Variants in UMAD1 observed in about 807,000 individuals in gnomAD.
UMAD1 encodes the protein UBAP1-MVB12-associated (UMA) domain containing 1.
Under a neutral mutation model 6.1 loss-of-function variants are expected in UMAD1, and 8 were observed. That is an observed-to-expected ratio of 1.30 (90% CI 0.76 to 2.35). UMAD1 has a LOEUF of 2.35. Ranked by LOEUF, UMAD1 falls within the 30% of genes most tolerant of loss-of-function variation. UMAD1 has a pLI of 0.00. For missense variants in UMAD1, 130 were observed against 78.4 expected (o/e 1.66, Z -2.49); for synonymous variants, 56 against 31.4 (o/e 1.78, Z -2.61).
chr7:7,801,575 A>G, intron 2 of UMAD1, 95 bp from the exon 3 acceptor site: 1 of 641,752 alleles, frequency 1.6e-6, no homozygotes. Context: ...GATGTGAAAC[A>G]TATAATAACA....
At chr7:7,760,674 A>C (rs1464066676) in intron 2 of UMAD1, among the ~76,000 whole-genome samples, 1 of 152,146 alleles carries the variant, frequency 6.6e-6, no homozygotes. Flanking sequence ...GAACAAAGAT[A>C]GCAAGGCAGG....
intron 2 of UMAD1, among the ~76,000 whole-genome samples, chr7:7,704,594 A>T (rs973255795): frequency 2.4e-5 from 3 of 127,638 alleles, no homozygotes; most frequent in African/African-American, 9.6e-5. Context: ...TCTCTACTAA[A>T]ATAGAAAAAA....
chr7:7,824,850 G>A (rs1350932572), intron 3 of UMAD1, among the ~76,000 whole-genome samples: 1 of 152,088 alleles, frequency 6.6e-6, no homozygotes, highest in Non-Finnish European at 1.5e-5. Flanking sequence ...ACCACCATTT[G>A]TCTCTCTTTC....
chr7:7,645,758 A>G (rs1021483870), intron 1 of UMAD1, among the ~76,000 whole-genome samples: 2 of 151,768 alleles, frequency 1.3e-5, no homozygotes, highest in Non-Finnish European at 2.9e-5. Context: ...AAGCTTGGTT[A>G]TGATATATTG....
intron 2 of UMAD1, among the ~76,000 whole-genome samples, chr7:7,713,394 CAG>C (rs1033899226): frequency 6.7e-6 from 1 of 150,098 alleles, no homozygotes; most frequent in Non-Finnish European, 1.5e-5. Flanking sequence ...AGTTTATAGA[CAG>C]AGTTTTTTTT....
chr7:7,646,567 T>A (rs1276714399), intron 1 of UMAD1, among the ~76,000 whole-genome samples: 2 of 148,078 alleles, frequency 1.4e-5, no homozygotes, highest in Admixed American at 1.4e-4. Flanking sequence ...TTGTGAGGTC[T>A]CCCCAGCCAC....
intron 3 of UMAD1, among the ~76,000 whole-genome samples, chr7:7,873,496 G>T (rs1784365025): frequency 6.6e-6 from 1 of 152,174 alleles, no homozygotes. Flanking sequence ...GACAGGATCT[G>T]CCCACTGCAG....
chr7:7,663,435 C>T (rs889473241), intron 1 of UMAD1, among the ~76,000 whole-genome samples: 1 of 152,066 alleles, frequency 6.6e-6, no homozygotes, highest in Admixed American at 6.5e-5. Flanking sequence ...TCTTGCTTAT[C>T]CTCTCAGGCA....
intron 1 of UMAD1, among the ~76,000 whole-genome samples, chr7:7,668,940 C>G (rs542188207): frequency 6.6e-6 from 1 of 152,142 alleles, no homozygotes; most frequent in African/African-American, 2.4e-5. Context: ...CAGAAAGGAA[C>G]CATGTAGACA....
At chr7:7,798,899 CT>C (rs1782741914) in intron 2 of UMAD1, among the ~76,000 whole-genome samples, 1 of 152,122 alleles carries the variant, frequency 6.6e-6, no homozygotes, top group Non-Finnish European at 1.5e-5. Flanking sequence ...GTAATCAAAT[CT>C]GATGTTTTTT....
At chr7:7,718,634 T>C (rs1780979534) in intron 2 of UMAD1, 1 of 152,236 alleles carries the variant, frequency 6.6e-6, no homozygotes, top group African/African-American at 2.4e-5. Flanking sequence ...GCTAGGATTT[T>C]ATTTTTTCTT....
At chr7:7,649,465 T>C (rs558980876) in intron 1 of UMAD1, among the ~76,000 whole-genome samples, 1 of 152,342 alleles carries the variant, frequency 6.6e-6, no homozygotes, top group South Asian at 2.1e-4. Context: ...CTCAACACTG[T>C]TGCATTGGCA....
At chr7:7,641,319 A>G (rs1784968297) in intron 1 of UMAD1, 1 of 152,332 alleles carries the variant, frequency 6.6e-6, no homozygotes, top group Non-Finnish European at 1.5e-5. Flanking sequence ...GTAACGGGGA[A>G]GAACCACTGG....
chr7:7,800,510 G>A (rs1341920978), intron 2 of UMAD1, among the ~76,000 whole-genome samples: 1 of 145,944 alleles, frequency 6.9e-6, no homozygotes, highest in African/African-American at 2.5e-5. Flanking sequence ...TTCTTTAGTG[G>A]TGATTTCTGA....
chr7:7,815,983 C>T (rs954217303), intron 3 of UMAD1, among the ~76,000 whole-genome samples: 6 of 151,934 alleles, frequency 3.9e-5, no homozygotes, highest in Non-Finnish European at 2.9e-5. Context: ...CTATTTAGGG[C>T]CACGAAGTCT....
intron 1 of UMAD1, chr7:7,641,174 A>G (rs1784963166): frequency 6.6e-6 from 1 of 152,028 alleles, no homozygotes; most frequent in South Asian, 2.1e-4. Flanking sequence ...CACTTTCTCC[A>G]CCTGTAAGAA....
intron 3 of UMAD1, among the ~76,000 whole-genome samples, chr7:7,812,578 C>T (rs748581428): frequency 6.6e-6 from 1 of 152,082 alleles, no homozygotes; most frequent in Non-Finnish European, 1.5e-5. Context: ...AAGGAGGAAT[C>T]AAAATGTGGA....
intron 3 of UMAD1, among the ~76,000 whole-genome samples, chr7:7,845,725 A>G (rs1254888833): frequency 6.6e-6 from 1 of 152,148 alleles, no homozygotes; most frequent in African/African-American, 2.4e-5. Flanking sequence ...TACATACAGA[A>G]CCGTTATGGC....
chr7:7,790,167 T>G (rs955250668), intron 2 of UMAD1, among the ~76,000 whole-genome samples: 1 of 152,220 alleles, frequency 6.6e-6, no homozygotes, highest in African/African-American at 2.4e-5. Context: ...ATATCTGGGA[T>G]ATTTTGATTC....
Sources: gnomAD v4.1 joint callset for allele counts (sites outside exome capture counted in the v4.1 genomes callset) on GRCh38, gnomAD v4.1.1 for gene constraint, MANE v1.5 for transcripts, NCBI Gene and HGNC (gene_info 2026-07-23, HGNC 2026-07-21) for gene names.